Variants in NREP observed in about 807,000 individuals in gnomAD.
NREP encodes neuronal regeneration related protein.
In NREP, 5 loss-of-function variants were observed where a neutral mutation model predicts 8.6. The observed-to-expected ratio is 0.58, with a 90% CI of 0.30 to 1.22. The LOEUF (loss-of-function observed/expected upper bound fraction) is 1.22. NREP is among the 50% of genes most tolerant of loss of function. NREP has a pLI of 0.07. For synonymous variants in NREP, 27 were observed against 28.0 expected (o/e 0.96, Z 0.11); for missense variants, 86 against 82.5 (o/e 1.04, Z -0.17).
intron 2 of NREP, among the ~76,000 whole-genome samples, chr5:111,877,370 C>G (rs757380501): frequency 6.6e-6 from 1 of 152,218 alleles, no homozygotes; most frequent in Non-Finnish European, 1.5e-5. Flanking sequence ...TGAAAACCCT[C>G]ACATAATTTT....
intron 2 of NREP, among the ~76,000 whole-genome samples, chr5:111,826,015 A>C (rs1160812135): frequency 7.4e-5 from 11 of 149,640 alleles, no homozygotes; most frequent in African/African-American, 2.7e-4. Flanking sequence ...ATGCAGTGGC[A>C]CAGTCTCAGC....
chr5:111,786,461 G>C (rs1751613889), intron 2 of NREP, among the ~76,000 whole-genome samples: 1 of 152,214 alleles, frequency 6.6e-6, no homozygotes. Flanking sequence ...CTGACCTCCA[G>C]AAAGATGTCC....
intron 2 of NREP, among the ~76,000 whole-genome samples, chr5:111,833,039 C>CT (rs1752811189): frequency 6.6e-6 from 1 of 152,208 alleles, no homozygotes; most frequent in South Asian, 2.1e-4. Context: ...AATTACTTCC[C>CT]CAGGACTGTA....
chr5:111,792,559 T>A (rs1309911851), intron 2 of NREP, among the ~76,000 whole-genome samples: 1 of 152,210 alleles, frequency 6.6e-6, no homozygotes, highest in Non-Finnish European at 1.5e-5. Flanking sequence ...ATTTTCCTTT[T>A]ACAGGACCCA....
At chr5:111,817,118 T>C (rs937312865) in intron 2 of NREP, among the ~76,000 whole-genome samples, 1 of 152,202 alleles carries the variant, frequency 6.6e-6, no homozygotes, top group Non-Finnish European at 1.5e-5. Flanking sequence ...AAATGATTTC[T>C]GTATATTGAC....
chr5:111,769,632 G>T (rs1485717081), intron 2 of NREP, among the ~76,000 whole-genome samples: 1 of 152,200 alleles, frequency 6.6e-6, no homozygotes, highest in Non-Finnish European at 1.5e-5. Context: ...TTGGCAAACA[G>T]TTCTGCAGGC....
At chr5:111,837,518 C>G (rs1206847138) in intron 2 of NREP, among the ~76,000 whole-genome samples, 1 of 152,020 alleles carries the variant, frequency 6.6e-6, no homozygotes, top group African/African-American at 2.4e-5. Flanking sequence ...TTCATGGTAG[C>G]TATTAAGTCA....
chr5:111,730,788 C>T lies in NREP; in HGVS notation c.*133G>A. The T allele has an allele frequency of 9.4e-7, 1 of 1,058,784 alleles. No homozygotes were observed. The highest frequency in any genetic ancestry group is 1.3e-6 in the Non-Finnish European group (1 of 740,886). The allele number at this position is 1,058,784 out of a possible 1,614,324, so 65.6% of individuals were successfully genotyped here. On this transcript the variant is annotated 3_prime_UTR_variant, in exon 4 of 4. Coordinates refer to ENST00000257435, the MANE Select transcript of NREP (RefSeq NM_004772.4). Reference sequence around the variant, plus strand: ...GACACCTATTTGTCCACTGTAAATTCTCTAAAGCAAGGCTCAGAGTCCCAT... The same window carrying T: ...GACACCTATTTGTCCACTGTAAATTTTCTAAAGCAAGGCTCAGAGTCCCAT...
intron 2 of NREP, among the ~76,000 whole-genome samples, chr5:111,753,013 A>T (rs1460679747): frequency 6.6e-6 from 1 of 152,184 alleles, no homozygotes; most frequent in East Asian, 1.9e-4. Context: ...CAGAAAGCCA[A>T]ATGTAAATTA....
At chr5:111,812,646 C>T (rs142926438) in intron 2 of NREP, among the ~76,000 whole-genome samples, 123 of 152,126 alleles carry the variant, frequency 8.1e-4, no homozygotes, top group Admixed American at 1.7e-3. Context: ...AAAGTCACAC[C>T]AATATTAAGT....
At chr5:111,776,982 A>G (rs1751375792) in intron 2 of NREP, among the ~76,000 whole-genome samples, 2 of 90,514 alleles carry the variant, frequency 2.2e-5, no homozygotes, top group South Asian at 5.6e-4. Flanking sequence ...GAAAAATAAG[A>G]AAAAGGATGA....
At chr5:111,818,551 A>G (rs1752445009) in intron 2 of NREP, among the ~76,000 whole-genome samples, 2 of 152,186 alleles carry the variant, frequency 1.3e-5, no homozygotes, top group South Asian at 2.1e-4. Flanking sequence ...TTTGCTGAAA[A>G]GCATTCAGTT....
At chr5:111,965,930 C>G (rs923358417) in intron 2 of NREP, among the ~76,000 whole-genome samples, 3 of 152,068 alleles carry the variant, frequency 2.0e-5, no homozygotes, top group Non-Finnish European at 4.4e-5. Flanking sequence ...GGAGGATGTA[C>G]AGTTGAAGAA....
exon 1 of NREP, chr5:111,976,761 G>T: frequency 1.3e-6 from 2 of 1,549,848 alleles, no homozygotes; most frequent in Non-Finnish European, 1.7e-6. Context: ...TACTGCTTGA[G>T]GATAAAGTTC....
chr5:111,735,959 C>A (rs1749072221), intron 2 of NREP, among the ~76,000 whole-genome samples: 11 of 152,190 alleles, frequency 7.2e-5, no homozygotes, highest in Admixed American at 7.2e-4. Flanking sequence ...CCCAGATTCT[C>A]TCCAAGTCCA....
chr5:111,966,875 A>T (rs1195395196), intron 2 of NREP, among the ~76,000 whole-genome samples: 1 of 152,220 alleles, frequency 6.6e-6, no homozygotes, highest in Non-Finnish European at 1.5e-5. Context: ...GTGGTAGTTC[A>T]ATGAACAGAA....
chr5:111,735,568 C>G (rs556915266), intron 2 of NREP, 61 bp from the exon 3 acceptor site: 4 of 1,222,600 alleles, frequency 3.3e-6, no homozygotes, highest in Non-Finnish European at 4.8e-6. Context: ...TGAAACTACA[C>G]GGGATAACCT....
chr5:111,923,056 G>T (rs1755290217), intron 2 of NREP, among the ~76,000 whole-genome samples: 2 of 152,168 alleles, frequency 1.3e-5, no homozygotes, highest in East Asian at 3.9e-4. Flanking sequence ...TTTCCTGATG[G>T]TATTTCATGG....
intron 2 of NREP, among the ~76,000 whole-genome samples, chr5:111,956,377 C>T (rs776284858): frequency 1.3e-5 from 2 of 151,198 alleles, no homozygotes; most frequent in South Asian, 4.2e-4. Flanking sequence ...TTTATGAAAC[C>T]GACAGAGTTG....
Sources: allele counts gnomAD v4.1 joint callset (sites outside exome capture counted in the v4.1 genomes callset), GRCh38; gene constraint gnomAD v4.1.1; transcripts MANE v1.5; gene names NCBI Gene and HGNC (gene_info 2026-07-23, HGNC 2026-07-21).